The following KAT6B variants were observed in gnomAD, a reference collection of about 807,000 sequenced individuals.
The protein encoded by KAT6B is lysine acetyltransferase 6B, also known as histone acetyltransferase KAT6B.
Under a neutral mutation model 187.5 loss-of-function variants are expected in KAT6B, and 10 were observed. That is an observed-to-expected ratio of 0.05 (90% CI 0.03 to 0.09). The LOEUF is 0.09. Ranked by LOEUF, KAT6B falls within the 10% of genes least tolerant of loss-of-function variation. The probability of loss-of-function intolerance (pLI) is 1.00; values close to 1 mark genes in which losing one functional copy is unlikely to be tolerated. For missense variants in KAT6B, 1,952 were observed against 2,558.9 expected (o/e 0.76, Z 5.12); for synonymous variants, 861 against 926.8 (o/e 0.93, Z 1.29).
chr10:74,946,392 T>A (rs1203578993), intron 3 of KAT6B, among the ~76,000 whole-genome samples: 2 of 152,238 alleles, frequency 1.3e-5, no homozygotes, highest in Non-Finnish European at 2.9e-5. Flanking sequence ...GTTCCACTCC[T>A]AGGTATTTAA....
At chr10:74,832,714 G>C (rs956585937) in intron 1 of KAT6B, among the ~76,000 whole-genome samples, 1 of 151,856 alleles carries the variant, frequency 6.6e-6, no homozygotes, top group Non-Finnish European at 1.5e-5. Context: ...TGGCCGGGCT[G>C]GTCTCAAACT....
At chr10:75,021,028 T>A in intron 14 of KAT6B, 98 bp from the exon 15 acceptor site, 1 of 1,239,732 alleles carries the variant, frequency 8.1e-7, no homozygotes, top group Non-Finnish European at 1.2e-6. Flanking sequence ...TGATTTTTCC[T>A]AACGCAGATA....
intron 3 of KAT6B, among the ~76,000 whole-genome samples, chr10:74,950,761 G>A (rs1840260474): frequency 6.6e-6 from 1 of 152,160 alleles, no homozygotes; most frequent in Non-Finnish European, 1.5e-5. Context: ...TGTGAAGTTT[G>A]TGGACAATAA....
rs1478868934 is a variant in KAT6B at position 75,020,574 on chromosome 10, T to G, written c.2630-8T>G. 1.2e-6 allele frequency: 2 copies of G among 1,606,774 alleles called. No homozygotes were observed. Among genetic ancestry groups the G allele is most frequent in the South Asian group, 1.1e-5 (1 of 90,932 alleles). On this transcript the variant is annotated splice_polypyrimidine_tract_variant and splice_region_variant and intron_variant, in intron 13 of 17. Transcript: ENST00000287239. Reference sequence around the variant, plus strand: ...GTGAGGAATGCCCATTTATTTTTTCTGCCCTAGGCTATTTGCTTTCTAGAA... The same window carrying G: ...GTGAGGAATGCCCATTTATTTTTTCGGCCCTAGGCTATTTGCTTTCTAGAA...
chr10:75,006,680 G>A (rs1190343149), intron 13 of KAT6B, among the ~76,000 whole-genome samples: 2 of 152,006 alleles, frequency 1.3e-5, no homozygotes, highest in Admixed American at 6.6e-5. Flanking sequence ...GCGCTCAAGC[G>A]ATCCATCTGC....
At chr10:74,909,626 G>A (rs1461116418) in intron 3 of KAT6B, among the ~76,000 whole-genome samples, 1 of 152,102 alleles carries the variant, frequency 6.6e-6, no homozygotes, top group African/African-American at 2.4e-5. Context: ...TAGCTTTCTT[G>A]GGTTCTGGAT....
chr10:74,842,247 A>T (rs1020307902), intron 2 of KAT6B, among the ~76,000 whole-genome samples: 1 of 152,216 alleles, frequency 6.6e-6, no homozygotes, highest in Non-Finnish European at 1.5e-5. Context: ...TTTTTATATC[A>T]TAGACTTATT....
chr10:74,947,615 A>G (rs1360004723), intron 3 of KAT6B, among the ~76,000 whole-genome samples: 1 of 152,226 alleles, frequency 6.6e-6, no homozygotes, highest in East Asian at 1.9e-4. Context: ...GCTATTTAAG[A>G]TATGCAAAAT....
At chr10:74,979,424 G>T in intron 10 of KAT6B, 85 bp downstream of exon 10, 1 of 985,706 alleles carries the variant, frequency 1.0e-6, no homozygotes, top group African/African-American at 1.6e-5. Context: ...CAGGAATTAG[G>T]GATGATTTTA....
intron 3 of KAT6B, among the ~76,000 whole-genome samples, chr10:74,937,883 A>T (rs893048393): frequency 7.9e-5 from 12 of 152,200 alleles, no homozygotes; most frequent in Admixed American, 2.6e-4. Context: ...CACTACAATT[A>T]CTATTATTCC....
chr10:74,913,767 C>A (rs1405736914), intron 3 of KAT6B, among the ~76,000 whole-genome samples: 2 of 152,188 alleles, frequency 1.3e-5, no homozygotes, highest in Admixed American at 1.3e-4. Context: ...AGGAGTAAAC[C>A]GCCCTGCAGG....
At position 74,841,848 on chromosome 10, in the gene KAT6B, C is replaced by T. The variant is rs576653695; in HGVS notation, c.-258-752C>T. Among the ~76,000 whole-genome samples, 41 of 152,266 alleles carry T rather than the reference C, an allele frequency of 2.7e-4. 1 individual carries two copies. In the South Asian group the frequency reaches 8.3e-3, roughly 31 times the overall value. ...AGCCTCTTTGTAGATGTACTCAATA[C>T]CAGATTGGAGATCTAGGGTGGTTTT... is the stretch of plus-strand genomic sequence containing the variant. On this transcript the variant is annotated intron_variant, in intron 2 of 17. Transcript: ENST00000287239.
chr10:74,828,388 A>G (rs761104331), intron 1 of KAT6B, among the ~76,000 whole-genome samples: 4 of 151,956 alleles, frequency 2.6e-5, no homozygotes, highest in Admixed American at 6.6e-5. Context: ...CAGAAGGTGG[A>G]AATAGCAAAT....
At chr10:74,924,875 C>G (rs1424499503) in intron 3 of KAT6B, among the ~76,000 whole-genome samples, 2 of 151,968 alleles carry the variant, frequency 1.3e-5, no homozygotes, top group Non-Finnish European at 2.9e-5. Flanking sequence ...ATCATGGAAT[C>G]AGTCAGTTTG....
chr10:74,945,562 G>A (rs536655452), intron 3 of KAT6B, among the ~76,000 whole-genome samples: 1 of 152,016 alleles, frequency 6.6e-6, no homozygotes, highest in Non-Finnish European at 1.5e-5. Flanking sequence ...TCCTGGGTTC[G>A]GGAGATTCTT....
chr10:75,002,392 AC>A, intron 13 of KAT6B, among the ~76,000 whole-genome samples: 1 of 152,096 alleles, frequency 6.6e-6, no homozygotes, highest in South Asian at 2.1e-4. Flanking sequence ...AAAAAAAACA[AC>A]AACAAACTAG....
chr10:75,007,953 G>A (rs1844336701), intron 13 of KAT6B, among the ~76,000 whole-genome samples: 1 of 152,174 alleles, frequency 6.6e-6, no homozygotes, highest in Non-Finnish European at 1.5e-5. Context: ...CTCCATGTCA[G>A]CCTTTGCAGA....
chr10:74,909,286 G>A (rs986441635), intron 3 of KAT6B, among the ~76,000 whole-genome samples: 4 of 152,190 alleles, frequency 2.6e-5, no homozygotes, highest in Non-Finnish European at 4.4e-5. Flanking sequence ...CAGGAGACTC[G>A]CTTGAACCTG....
chr10:74,888,573 TA>T, intron 3 of KAT6B, among the ~76,000 whole-genome samples: 1 of 152,308 alleles, frequency 6.6e-6, no homozygotes, highest in South Asian at 2.1e-4. Context: ...TTAAAGAGAA[TA>T]ATATTCTTTG....
Sources: gnomAD v4.1 joint callset for allele counts (sites outside exome capture counted in the v4.1 genomes callset) on GRCh38, gnomAD v4.1.1 for gene constraint, MANE v1.5 for transcripts, NCBI Gene and HGNC (gene_info 2026-07-23, HGNC 2026-07-21) for gene names.